Variants in NELL1 observed in about 807,000 individuals in gnomAD.
NELL1 encodes protein kinase C-binding protein NELL1.
NELL1 carries 76 observed loss-of-function variants against 107.4 expected under a neutral mutation model. The ratio of observed to expected loss-of-function variants is 0.71; its 90% CI spans 0.59 to 0.86. The LOEUF is 0.86. NELL1 is among the 40% of genes least tolerant of loss of function. NELL1 has a pLI of 0.00. For missense variants in NELL1, 1,024 were observed against 1,005.5 expected, an observed-to-expected ratio of 1.02 and a Z score of -0.25; for synonymous variants, 353 against 341.2, an observed-to-expected ratio of 1.03 and a Z score of -0.38.
chr11:21,413,909 T>C (rs1852439484), intron 15 of NELL1, among the ~76,000 whole-genome samples: 1 of 152,070 alleles, frequency 6.6e-6, no homozygotes, highest in South Asian at 2.1e-4. Context: ...GTAAACAACA[T>C]TCTGGTTTAT....
At chr11:20,735,895 T>A (rs1229923772) in intron 2 of NELL1, among the ~76,000 whole-genome samples, 3 of 151,968 alleles carry the variant, frequency 2.0e-5, no homozygotes, top group Non-Finnish European at 4.4e-5. Context: ...GGTCCTGTAG[T>A]AGAGTCTGTA....
At chr11:20,679,857 A>G (rs1411319948) in intron 2 of NELL1, among the ~76,000 whole-genome samples, 1 of 152,158 alleles carries the variant, frequency 6.6e-6, no homozygotes, top group African/African-American at 2.4e-5. Context: ...ATGGAATTAA[A>G]ATTTCTTTTG....
intron 15 of NELL1, among the ~76,000 whole-genome samples, chr11:21,398,271 A>T (rs1031908966): frequency 9.9e-5 from 15 of 151,650 alleles, no homozygotes; most frequent in Non-Finnish European, 1.6e-4. Flanking sequence ...TCATTCTCTG[A>T]ACGTTGGTAC....
intron 12 of NELL1, among the ~76,000 whole-genome samples, chr11:21,010,844 A>G (rs934689658): frequency 2.6e-5 from 4 of 152,064 alleles, no homozygotes; most frequent in African/African-American, 9.7e-5. Context: ...CCCAGTCTTG[A>G]GCTGTGTCAC....
At chr11:20,711,597 A>AT (rs1279409622) in intron 2 of NELL1, among the ~76,000 whole-genome samples, 26 of 148,750 alleles carry the variant, frequency 1.7e-4, no homozygotes, top group South Asian at 1.5e-3. Flanking sequence ...TCTCTAAGCA[A>AT]TTTTTTTTTT....
At chr11:20,861,131 G>A (rs1848970347) in intron 4 of NELL1, among the ~76,000 whole-genome samples, 1 of 152,104 alleles carries the variant, frequency 6.6e-6, no homozygotes, top group African/African-American at 2.4e-5. Context: ...ATTATGTAAG[G>A]TGCAAAGTAT....
chr11:20,884,389 C>T (rs1590378605), intron 4 of NELL1, among the ~76,000 whole-genome samples: 1 of 152,172 alleles, frequency 6.6e-6, no homozygotes. Context: ...GGAATGATTC[C>T]GCAGCCGTTG....
intron 13 of NELL1, among the ~76,000 whole-genome samples, chr11:21,225,495 A>T (rs1857871106): frequency 6.6e-6 from 1 of 152,078 alleles, no homozygotes; most frequent in South Asian, 2.1e-4. Context: ...TCTCTCTGTA[A>T]TGCCTTTTTA....
intron 14 of NELL1, among the ~76,000 whole-genome samples, chr11:21,329,220 A>C (rs1306731253): frequency 1.3e-5 from 2 of 151,814 alleles, no homozygotes; most frequent in Non-Finnish European, 2.9e-5. Context: ...TCATGAGGGC[A>C]GTTACCCTCA....
In NELL1 at chr11:21,125,355, T is replaced by C. The variant is rs774362590; in HGVS notation, c.1426+11641T>C. 1.1e-3 allele frequency among the ~76,000 whole-genome samples: 162 copies of C among 152,322 alleles called. 2 individuals are homozygous for C. The highest frequency in any genetic ancestry group is 1.4e-3 in the Non-Finnish European group (97 of 68,028). On this transcript the variant is annotated intron_variant, in intron 13 of 19. Coordinates refer to ENST00000357134, the MANE Select transcript of NELL1 (RefSeq NM_006157.5). ...TCATGTCAACATTTTTCTTGGACTTTGAAAGATTAAGGTTTAACTAGCTCA... is the reference window on the plus strand; with the variant it reads ...TCATGTCAACATTTTTCTTGGACTTCGAAAGATTAAGGTTTAACTAGCTCA...
intron 5 of NELL1, among the ~76,000 whole-genome samples, chr11:20,898,621 T>C (rs1001753833): frequency 1.3e-5 from 2 of 152,076 alleles, no homozygotes; most frequent in African/African-American, 4.8e-5. Context: ...ATCTATTTTT[T>C]TTTTTTTTAA....
chr11:20,743,720 C>T (rs965199424), intron 2 of NELL1, among the ~76,000 whole-genome samples: 4 of 152,178 alleles, frequency 2.6e-5, no homozygotes, highest in African/African-American at 9.7e-5. Context: ...GTCTCATCTT[C>T]TCCACCTCTT....
At chr11:20,716,886 G>C (rs532270471) in intron 2 of NELL1, among the ~76,000 whole-genome samples, 9 of 151,674 alleles carry the variant, frequency 5.9e-5, no homozygotes, top group African/African-American at 1.9e-4. Context: ...TGCCTTATGC[G>C]GTTTACAAAA....
chr11:21,518,337 T>C (rs1008388584), intron 15 of NELL1, among the ~76,000 whole-genome samples: 2 of 152,174 alleles, frequency 1.3e-5, no homozygotes, highest in African/African-American at 2.4e-5. Context: ...CTCTAAAGGA[T>C]TGACTTACTT....
intron 14 of NELL1, among the ~76,000 whole-genome samples, chr11:21,238,959 C>T (rs1173660384): frequency 6.6e-6 from 1 of 151,994 alleles, no homozygotes; most frequent in East Asian, 1.9e-4. Flanking sequence ...TTCTCTAAAC[C>T]TTAGTTTCTT....
chr11:21,283,460 G>A (rs538333416), intron 14 of NELL1, among the ~76,000 whole-genome samples: 61 of 152,252 alleles, frequency 4.0e-4, no homozygotes, highest in African/African-American at 1.3e-3. Flanking sequence ...ACTCAATTTC[G>A]CTGTGACCCT....
At chr11:21,140,010 A>C (rs1855831176) in intron 13 of NELL1, among the ~76,000 whole-genome samples, 1 of 152,078 alleles carries the variant, frequency 6.6e-6, no homozygotes, top group Admixed American at 6.5e-5. Context: ...ATATCTGGGG[A>C]AACAGATAAT....
chr11:20,719,942 C>A (rs1050126646), intron 2 of NELL1, among the ~76,000 whole-genome samples: 1 of 152,138 alleles, frequency 6.6e-6, no homozygotes. Flanking sequence ...TGAAAAGATT[C>A]ACTGGTACTA....
intron 13 of NELL1, among the ~76,000 whole-genome samples, chr11:21,160,051 C>A (rs530917476): frequency 1.3e-5 from 2 of 152,336 alleles, no homozygotes; most frequent in South Asian, 4.1e-4. Context: ...ACTCAAAGAG[C>A]AACCACATTT....
Sources: gnomAD v4.1 joint callset for allele counts (sites outside exome capture counted in the v4.1 genomes callset) on GRCh38, gnomAD v4.1.1 for gene constraint, MANE v1.5 for transcripts, NCBI Gene and HGNC (gene_info 2026-07-23, HGNC 2026-07-21) for gene names.